The following EPB41 variants were observed in gnomAD, a reference collection of about 807,000 sequenced individuals.
EPB41 encodes the protein erythrocyte membrane protein band 4.1, also known as protein 4.1.
EPB41 carries 65 observed loss-of-function variants against 108.0 expected under a neutral mutation model. The observed-to-expected ratio is 0.60, with a 90% CI of 0.49 to 0.74. The LOEUF (loss-of-function observed/expected upper bound fraction) is 0.74, where lower values mean the gene tolerates loss of function less well. Among genes scored for constraint, EPB41 ranks in the 30% least tolerant of loss-of-function variants. The pLI, the probability that EPB41 is intolerant of heterozygous loss-of-function variation, is 0.00. For missense variants in EPB41, 875 were observed against 1,037.0 expected (o/e 0.84, Z 2.15); for synonymous variants, 336 against 358.9 (o/e 0.94, Z 0.72).
At chr1:29,001,222 C>CTT (rs778403069) in intron 4 of EPB41, among the ~76,000 whole-genome samples, 130 of 152,220 alleles carry the variant, frequency 8.5e-4, no homozygotes, top group South Asian at 1.9e-3. Flanking sequence ...CCCAGCTATG[C>CTT]GGGAGGCTGA....
chr1:28,996,636 G>C (rs768498646), intron 3 of EPB41, among the ~76,000 whole-genome samples: 2 of 152,162 alleles, frequency 1.3e-5, no homozygotes, highest in Admixed American at 6.5e-5. Flanking sequence ...AAGGAAGGTA[G>C]AATTTTGCTT....
At chr1:28,948,488 G>A (rs2094571543) in intron 1 of EPB41, among the ~76,000 whole-genome samples, 1 of 135,736 alleles carries the variant, frequency 7.4e-6, no homozygotes, top group Non-Finnish European at 1.5e-5. Flanking sequence ...CAGCCTGGGC[G>A]ACAGGAGACT....
At chr1:29,081,407 G>T (rs935828290) in intron 16 of EPB41, among the ~76,000 whole-genome samples, 4 of 152,174 alleles carry the variant, frequency 2.6e-5, no homozygotes, top group African/African-American at 9.6e-5. Flanking sequence ...GGGTATGTGG[G>T]TGTGAGGAGA....
At chr1:28,990,964 G>A (rs550907653) in intron 2 of EPB41, among the ~76,000 whole-genome samples, 2 of 151,950 alleles carry the variant, frequency 1.3e-5, no homozygotes, top group Non-Finnish European at 2.9e-5. Flanking sequence ...AAAAAGAAAC[G>A]ATATTGTTAG....
Position 29,119,447 on chromosome 1 carries a change from AT to A in EPB41, c.*2639del, listed in dbSNP as rs1461701164. On this transcript the variant is annotated 3_prime_UTR_variant, in exon 21 of 21. Coordinates refer to ENST00000343067, the MANE Select transcript of EPB41 (RefSeq NM_001376013.1). ...CAGTAACAACTCTCGCTGCAATTTT[AT>A]TTTAATTTGAGAAATAAAGATTTCC... 1 of 152,572 alleles carries A rather than the reference AT, an allele frequency of 6.6e-6. No individual in the cohort carries two copies. Among genetic ancestry groups the A allele is most frequent in the Non-Finnish European group, 1.5e-5 (1 of 68,038 alleles). The allele number at this position is 152,572 out of a possible 1,614,324, so 9.5% of individuals were successfully genotyped here. A position where few individuals can be genotyped will look rare whatever the true frequency, so the allele number is the denominator to read the frequency against.
At chr1:28,965,839 A>C (rs1485860435) in intron 1 of EPB41, among the ~76,000 whole-genome samples, 2 of 152,206 alleles carry the variant, frequency 1.3e-5, no homozygotes, top group East Asian at 3.8e-4. Flanking sequence ...GTACTGCCAC[A>C]TGGGATGACT....
rs917653581 is a variant in EPB41, at chr1:29,022,712, A to T, written c.1124+4270A>T. On this transcript the variant is annotated intron_variant, in intron 7 of 20. Coordinates refer to ENST00000343067, the MANE Select transcript of EPB41 (RefSeq NM_001376013.1). ...CTACAGCCTGGGCGACAAGAGCAAG[A>T]CTCCATCTCAAAAAAAAAGAAAAAA... Among the ~76,000 whole-genome samples, 5 of 151,698 alleles carry T rather than the reference A, an allele frequency of 3.3e-5. No individual in the cohort carries two copies. The South Asian group carries it at 8.3e-4, about 25-fold the overall frequency.
At chr1:29,073,786 A>G (rs1652618282) in intron 16 of EPB41, among the ~76,000 whole-genome samples, 2 of 152,196 alleles carry the variant, frequency 1.3e-5, no homozygotes, top group South Asian at 4.1e-4. Context: ...CATCTTCAGT[A>G]AGAGTTTTGA....
rs116414051 is a variant in EPB41, at chr1:28,891,093, C to T, written c.-8+3883C>T. ...GGGTTTCCCCAGAGGGGCAGCCCCA[C>T]GCAGCTACTGCCCAGGTGCAAGACT... is the stretch of plus-strand genomic sequence containing the variant. On this transcript the variant is annotated intron_variant, in intron 1 of 16. Transcript: ENST00000347529. 1.4e-3 allele frequency: 921 copies of T among 639,268 alleles called. 5 individuals are homozygous for T. The African/African-American group carries it at 0.017, about 12-fold the overall frequency. The allele number at this position is 639,268 out of a possible 1,614,324, so 39.6% of individuals were successfully genotyped here.
In EPB41 at chr1:29,086,568, G is replaced by A. The variant is rs558201524; in HGVS notation, c.2185-11239G>A. Among the ~76,000 whole-genome samples, 17 of 152,006 alleles carry A rather than the reference G, an allele frequency of 1.1e-4. No individual in the cohort carries two copies. In the South Asian group the frequency reaches 1.5e-3, roughly 13 times the overall value. On this transcript the variant is annotated intron_variant, in intron 16 of 20. Coordinates refer to ENST00000343067, the MANE Select transcript of EPB41 (RefSeq NM_001376013.1). ...ATTACAGGCATGAGCCACCGCGCCC[G>A]GCCACCTTAAGATCCTTTTCATGTG...
At chr1:29,104,810 G>A (rs548575234) in intron 17 of EPB41, among the ~76,000 whole-genome samples, 51 of 151,938 alleles carry the variant, frequency 3.4e-4, no homozygotes, top group Non-Finnish European at 6.0e-4. Flanking sequence ...GGCTGGTCTC[G>A]AACTCCTGAC....
intron 11 of EPB41, among the ~76,000 whole-genome samples, chr1:29,039,916 T>G (rs1023257631): frequency 1.3e-5 from 2 of 152,206 alleles, no homozygotes; most frequent in African/African-American, 4.8e-5. Context: ...CCGAGAGTAG[T>G]GACTAGATCA....
intron 5 of EPB41, among the ~76,000 whole-genome samples, chr1:29,014,037 CCAGTTG>C (rs1284958715): frequency 1.3e-5 from 2 of 151,962 alleles, no homozygotes; most frequent in East Asian, 3.9e-4. Context: ...AAGTATATGG[CCAGTTG>C]CAGTGGCTCA....
At chr1:29,070,388 C>T (rs996898719) in intron 16 of EPB41, 2 of 1,231,992 alleles carry the variant, frequency 1.6e-6, no homozygotes, top group Non-Finnish European at 2.0e-6. Flanking sequence ...TCTGTTAGTA[C>T]AGGATGAAGA....
At chr1:29,071,791 A>G (rs1651600463) in intron 16 of EPB41, 1 of 152,186 alleles carries the variant, frequency 6.6e-6, no homozygotes, top group Non-Finnish European at 1.5e-5. Context: ...TGGCACTTGA[A>G]TGTACCAATA....
chr1:29,087,993 T>C (rs1659780831), intron 16 of EPB41, among the ~76,000 whole-genome samples: 1 of 151,974 alleles, frequency 6.6e-6, no homozygotes, highest in South Asian at 2.1e-4. Context: ...ACTTTATATA[T>C]ATAGGCAGCC....
upstream of EPB41, chr1:28,911,163 T>C (rs2092237237): frequency 5.1e-6 from 5 of 985,418 alleles, no homozygotes; most frequent in Non-Finnish European, 4.8e-6. Flanking sequence ...CATCTTCCTA[T>C]GTGATAGGCC....
At chr1:29,103,068 C>T (rs1558316278) in intron 17 of EPB41, among the ~76,000 whole-genome samples, 1 of 152,158 alleles carries the variant, frequency 6.6e-6, no homozygotes, top group Non-Finnish European at 1.5e-5. Context: ...CCACCGCACC[C>T]AGCCTAATTT....
At chr1:29,007,775 C>G (rs77862293) in intron 4 of EPB41, among the ~76,000 whole-genome samples, 1 of 152,144 alleles carries the variant, frequency 6.6e-6, no homozygotes, top group South Asian at 2.1e-4. Flanking sequence ...CTTCTCAGCT[C>G]TTTGTTCTCT....
Sources: gnomAD v4.1 joint callset for allele counts (sites outside exome capture counted in the v4.1 genomes callset) on GRCh38, gnomAD v4.1.1 for gene constraint, MANE v1.5 for transcripts, NCBI Gene and HGNC (gene_info 2026-07-23, HGNC 2026-07-21) for gene names.